Variants in CDKL5 observed in about 807,000 individuals in gnomAD.
CDKL5 encodes the protein cyclin-dependent kinase-like 5.
A neutral mutation model predicts 61.7 loss-of-function variants in CDKL5; 8 were observed. The ratio of observed to expected loss-of-function variants is 0.13; its 90% CI spans 0.08 to 0.23. The LOEUF is 0.23. Among genes scored for constraint, CDKL5 ranks in the 10% least tolerant of loss-of-function variants. The probability of loss-of-function intolerance (pLI) is 1.00; values close to 1 mark genes in which losing one functional copy is unlikely to be tolerated. For missense variants in CDKL5, 440 were observed against 734.5 expected, an observed-to-expected ratio of 0.60 and a Z score of 4.63; for synonymous variants, 275 against 272.3, an observed-to-expected ratio of 1.01 and a Z score of -0.10.
Position 18,635,899 on chromosome X carries a change from T to G in CDKL5, c.*7142T>G, listed in dbSNP as rs1927372264. ...CTGTCAACATTACTCAGCTCTGCCT[T>G]TGTATTGCAGAGGCTGCATGGATAA... On this transcript the variant is annotated 3_prime_UTR_variant, in exon 18 of 18. Coordinates refer to ENST00000623535, the MANE Select transcript of CDKL5 (RefSeq NM_001323289.2). The G allele has an allele frequency of 8.9e-6, 1 of 111,947 alleles. No individual in the cohort carries two copies. The allele number at this position is 111,947 out of a possible 1,213,427, so 9.2% of individuals were successfully genotyped here. A position where few individuals can be genotyped will look rare whatever the true frequency, so the allele number is the denominator to read the frequency against.
intron 3 of CDKL5, among the ~76,000 whole-genome samples, chrX:18,529,951 A>G (rs1923582130): frequency 9.1e-6 from 1 of 110,410 alleles, no homozygotes; most frequent in Non-Finnish European, 1.9e-5. Context: ...CCCTTGTCTC[A>G]CTTTTCTCTT....
At position 18,451,313 on chromosome X, in the gene CDKL5, T is replaced by C. The variant is rs183303407; in HGVS notation, c.-163+25618T>C. Reference sequence around the variant, plus strand: ...TTCAAACGATTCTCCTGCCTCAGGCTCCCGAGTAGCTGGGATTACAGGCGC... The same window carrying C: ...TTCAAACGATTCTCCTGCCTCAGGCCCCCGAGTAGCTGGGATTACAGGCGC... On this transcript the variant is annotated intron_variant, in intron 1 of 17. Coordinates refer to ENST00000623535, the MANE Select transcript of CDKL5 (RefSeq NM_001323289.2). 4.3e-3 allele frequency among the ~76,000 whole-genome samples: 479 copies of C among 110,714 alleles called. 2 individuals carry two copies. In the Middle Eastern group the frequency reaches 0.047, roughly 11 times the overall value.
chrX:18,651,521 G>A (rs1333539938), intron 21 of CDKL5, among the ~76,000 whole-genome samples: 2 of 111,051 alleles, frequency 1.8e-5, no homozygotes, highest in African/African-American at 6.6e-5. Context: ...GGAGCCCTAA[G>A]CTCTGGGCAC....
chrX:18,518,130 G>A (rs1387166063), intron 3 of CDKL5, among the ~76,000 whole-genome samples: 1 of 109,927 alleles, frequency 9.1e-6, no homozygotes, highest in African/African-American at 3.3e-5. Context: ...ATATATTAAA[G>A]CATTTTAATT....
At chrX:18,528,858 C>T (rs1402395921) in intron 3 of CDKL5, among the ~76,000 whole-genome samples, 1 of 111,016 alleles carries the variant, frequency 9.0e-6, no homozygotes, top group East Asian at 2.8e-4. Flanking sequence ...TGGTCTCAAA[C>T]TCCTGGGCCT....
At chrX:18,618,543 C>T (rs1294471876) in intron 15 of CDKL5, among the ~76,000 whole-genome samples, 2 of 112,131 alleles carry the variant, frequency 1.8e-5, no homozygotes, top group African/African-American at 6.5e-5. Flanking sequence ...TCTTTAAGCC[C>T]CATGCAAGAG....
At position 18,619,978 on chromosome X, in the gene CDKL5, A is replaced by C; in HGVS notation, c.2376+12A>C. 1.0e-6 allele frequency: 1 copy of C among 995,064 alleles called. No homozygotes were observed. Among genetic ancestry groups the C allele is most frequent in the East Asian group, 3.0e-5 (1 of 32,818 alleles). 82.0% of individuals were successfully genotyped at this position (995,064 alleles called of 1,213,427 possible). On this transcript the variant is annotated intron_variant, in intron 16 of 17. Transcript: ENST00000623535. ...AGAAATCTCAAACAGTAAGTAGATG[A>C]CCAGTTTCTATATATAATAACATGT...
chrX:18,570,425 T>C (rs1602266694), intron 4 of CDKL5, among the ~76,000 whole-genome samples: 1 of 111,956 alleles, frequency 8.9e-6, no homozygotes, highest in South Asian at 3.8e-4. Flanking sequence ...AGGGTCCTCA[T>C]CTTTCTTGGT....
intron 4 of CDKL5, among the ~76,000 whole-genome samples, chrX:18,566,856 A>G (rs1924986164): frequency 9.0e-6 from 1 of 110,933 alleles, no homozygotes; most frequent in African/African-American, 3.3e-5. Context: ...CAAAACATTA[A>G]TCTGCTCTGC....
chrX:18,609,487 A>G lies in CDKL5; in HGVS notation c.2069A>G (p.His690Arg), dbSNP rs945311782. 3 of 1,209,613 alleles carry G rather than the reference A, an allele frequency of 2.5e-6. No homozygotes were observed. In the African/African-American group the frequency reaches 5.3e-5, roughly 21 times the overall value. ...KSEGGVYHDP[H>R]SDDGTAPKEN... ...CAGGGTGGAGTGTATCATGACCCACACTCTGATGATGGCACAGCCCCCAAA... is the reference window on the plus strand; with the variant it reads ...CAGGGTGGAGTGTATCATGACCCACGCTCTGATGATGGCACAGCCCCCAAA... The change falls in exon 14 of 18, where the codon CAC (histidine) becomes CGC (arginine). Residue 690 changes from histidine (H) to arginine (R), a missense_variant. By Grantham distance (29) the His-to-Arg change is conservative. Coordinates refer to ENST00000623535, the MANE Select transcript of CDKL5 (RefSeq NM_001323289.2).
intron 14 of CDKL5, among the ~76,000 whole-genome samples, chrX:18,610,839 A>G (rs1311744348): frequency 8.9e-6 from 1 of 112,269 alleles, no homozygotes; most frequent in East Asian, 2.8e-4. Flanking sequence ...AAAGCCTTCA[A>G]GAGTCACCAC....
At chrX:18,550,908 T>C (rs1924361992) in intron 3 of CDKL5, among the ~76,000 whole-genome samples, 1 of 112,687 alleles carries the variant, frequency 8.9e-6, no homozygotes, top group African/African-American at 3.2e-5. Context: ...TGCAGACAAT[T>C]TGGTGTGAAT....
intron 3 of CDKL5, among the ~76,000 whole-genome samples, chrX:18,538,257 C>A (rs891231495): frequency 9.0e-6 from 1 of 111,567 alleles, no homozygotes; most frequent in East Asian, 2.8e-4. Flanking sequence ...GTGAAGTACC[C>A]GTGCCATTTT....
chrX:18,631,187 G>A lies in CDKL5; in HGVS notation c.*2430G>A. 6 of 752,653 alleles carry A rather than the reference G, an allele frequency of 8.0e-6. No individual in the cohort carries two copies. The highest frequency in any genetic ancestry group is 9.4e-6 in the Non-Finnish European group (6 of 638,189). The allele number at this position is 752,653 out of a possible 1,213,427, so 62.0% of individuals were successfully genotyped here. ...TCTTCAAAGAAGGGCTAGAATATTT[G>A]CCTTCTACCTAGAGCAAAGTAAACC... is the stretch of plus-strand genomic sequence containing the variant. On this transcript the variant is annotated 3_prime_UTR_variant, in exon 18 of 18. Transcript: ENST00000623535.
chrX:18,556,438 T>TA (rs747381152), intron 3 of CDKL5, among the ~76,000 whole-genome samples: 1 of 111,163 alleles, frequency 9.0e-6, no homozygotes, highest in Non-Finnish European at 1.9e-5. Flanking sequence ...TTCCTGGGTT[T>TA]AAAATCTCAG....
intron 1 of CDKL5, among the ~76,000 whole-genome samples, chrX:18,443,083 CAT>C (rs1471326622): frequency 8.9e-6 from 1 of 111,948 alleles, no homozygotes; most frequent in East Asian, 2.8e-4. Context: ...AATATTTACT[CAT>C]GTGCTTTTCA....
intron 5 of CDKL5, among the ~76,000 whole-genome samples, chrX:18,577,384 A>T (rs921514614): frequency 9.0e-6 from 1 of 111,696 alleles, no homozygotes; most frequent in African/African-American, 3.3e-5. Flanking sequence ...TGACTGTCAC[A>T]CCTGCCACAT....
intron 1 of CDKL5, among the ~76,000 whole-genome samples, chrX:18,480,846 CTTCTTT>C (rs1231082457): frequency 1.0e-5 from 1 of 96,083 alleles, no homozygotes; most frequent in Non-Finnish European, 2.1e-5. Context: ...TCCTCTTCCT[CTTCTTT>C]CTTCCTTTTT....
intron 21 of CDKL5, chrX:18,653,377 C>T: frequency 8.4e-7 from 1 of 1,195,525 alleles, no homozygotes; most frequent in Non-Finnish European, 1.1e-6. Context: ...CAGAGTGCAC[C>T]TGCTAGCGCT....
Sources: gnomAD v4.1 joint callset for allele counts (sites outside exome capture counted in the v4.1 genomes callset) on GRCh38, gnomAD v4.1.1 for gene constraint, MANE v1.5 for transcripts, NCBI Gene and HGNC (gene_info 2026-07-23, HGNC 2026-07-21) for gene names.